Variants in GKAP1 observed in about 807,000 individuals in gnomAD.
GKAP1 encodes the protein G kinase anchoring protein 1.
GKAP1 carries 31 observed loss-of-function variants against 56.7 expected under a neutral mutation model. The observed-to-expected ratio is 0.55, with a 90% CI of 0.41 to 0.74. The LOEUF (loss-of-function observed/expected upper bound fraction) is 0.74, where lower values mean the gene tolerates loss of function less well. GKAP1 is among the 30% of genes least tolerant of loss of function. GKAP1 has a pLI of 0.00. For synonymous variants in GKAP1, 151 were observed against 138.6 expected (o/e 1.09, Z -0.63); for missense variants, 364 against 402.3 (o/e 0.90, Z 0.82).
At chr9:83,765,583 C>CA (rs912845117) in intron 8 of GKAP1, among the ~76,000 whole-genome samples, 39 of 152,360 alleles carry the variant, frequency 2.6e-4, no homozygotes, top group African/African-American at 9.1e-4. Flanking sequence ...CTGTACCCTG[C>CA]AAAGCCACAG....
intron 7 of GKAP1, among the ~76,000 whole-genome samples, chr9:83,770,269 A>G (rs929444682): frequency 1.3e-5 from 2 of 152,196 alleles, no homozygotes; most frequent in Non-Finnish European, 1.5e-5. Flanking sequence ...TTTTCTTCTA[A>G]AAGTTTTACA....
At chr9:83,750,570 A>T (rs1342287804) in intron 9 of GKAP1, among the ~76,000 whole-genome samples, 2 of 152,168 alleles carry the variant, frequency 1.3e-5, no homozygotes, top group African/African-American at 2.4e-5. Context: ...GTCATTTTAC[A>T]TTCCCACCAG....
In GKAP1 at chr9:83,812,230, T is replaced by C. The variant is rs150882772; in HGVS notation, c.-44+4766A>G. On this transcript the variant is annotated intron_variant, in intron 2 of 12. Coordinates refer to ENST00000376371, the MANE Select transcript of GKAP1 (RefSeq NM_025211.4). ...ACACATACATACATACACACACACA[T>C]GTATACATATATACGTATATATGTA... 7.8e-3 allele frequency among the ~76,000 whole-genome samples: 1,142 copies of C among 146,696 alleles called. 17 individuals carry two copies. Among genetic ancestry groups the C allele is most frequent in the African/African-American group, 0.027 (1,071 of 39,324 alleles).
intron 8 of GKAP1, among the ~76,000 whole-genome samples, chr9:83,763,193 A>G (rs769790513): frequency 1.3e-4 from 20 of 152,218 alleles, no homozygotes; most frequent in Non-Finnish European, 2.5e-4. Flanking sequence ...AGAAAGGCAA[A>G]CATCACATGT....
At chr9:83,743,032 G>A (rs944362744) in intron 10 of GKAP1, among the ~76,000 whole-genome samples, 9 of 151,884 alleles carry the variant, frequency 5.9e-5, no homozygotes, top group South Asian at 2.1e-4. Context: ...GTGTGGTGGC[G>A]CATGCCTGTA....
At chr9:83,790,163 C>T (rs1489410729) in intron 4 of GKAP1, among the ~76,000 whole-genome samples, 1 of 151,954 alleles carries the variant, frequency 6.6e-6, no homozygotes, top group Non-Finnish European at 1.5e-5. Flanking sequence ...TAAGCTTACA[C>T]AGAAAAACAA....
rs117080057 is a variant in GKAP1, at chr9:83,802,030, C to T, written c.217-2702G>A. Among the ~76,000 whole-genome samples the T allele has an allele frequency of 3.7e-3, 561 of 152,138 alleles. 1 individual carries two copies. Among genetic ancestry groups the T allele is most frequent in the Middle Eastern group, 0.014 (4 of 294 alleles). On this transcript the variant is annotated intron_variant, in intron 3 of 12. Coordinates refer to ENST00000376371, the MANE Select transcript of GKAP1 (RefSeq NM_025211.4). ...TCATTAAATAATAAAAAGAAAGGTC[C>T]TTATATACCCAACGGCTCCTTCTAT... is the stretch of plus-strand genomic sequence containing the variant.
chr9:83,784,476 C>A (rs1462642279), intron 6 of GKAP1, among the ~76,000 whole-genome samples: 1 of 152,134 alleles, frequency 6.6e-6, no homozygotes, highest in South Asian at 2.1e-4. Flanking sequence ...TGATATTGGA[C>A]TTCCCAGCTT....
Position 83,795,644 on chromosome 9 carries a change from T to C in GKAP1, c.360+3541A>G, listed in dbSNP as rs560506125. ...TCTCGCTCTGTCACCCAGGCTGAAGTGCACTGGCATGATCACGGCTCACTG... is the reference window on the plus strand; with the variant it reads ...TCTCGCTCTGTCACCCAGGCTGAAGCGCACTGGCATGATCACGGCTCACTG... On this transcript the variant is annotated intron_variant, in intron 4 of 12. Transcript: ENST00000376371. Among the ~76,000 whole-genome samples, 6 of 139,316 alleles carry C rather than the reference T, an allele frequency of 4.3e-5. No homozygotes were observed. In the South Asian group the frequency reaches 1.4e-3, roughly 32 times the overall value. The allele number at this position is 139,316 out of a possible 152,430, so 91.4% of individuals were successfully genotyped here.
chr9:83,816,691 G>A (rs144863913), intron 2 of GKAP1, among the ~76,000 whole-genome samples: 1 of 152,332 alleles, frequency 6.6e-6, no homozygotes, highest in East Asian at 1.9e-4. Context: ...GAAGAAAAGT[G>A]TCTCCGGCTT....
At position 83,739,609 on chromosome 9, in the gene GKAP1, G is replaced by T; in HGVS notation, c.*88C>A. ...TAGTTCCTTCAAGAAAAACTGCATAGTTTAGCAGTTGCACAGCATTAAATA... is the reference window on the plus strand; with the variant it reads ...TAGTTCCTTCAAGAAAAACTGCATATTTTAGCAGTTGCACAGCATTAAATA... On this transcript the variant is annotated 3_prime_UTR_variant, in exon 13 of 13. Coordinates refer to ENST00000376371, the MANE Select transcript of GKAP1 (RefSeq NM_025211.4). 1.0e-6 allele frequency: 1 copy of T among 975,908 alleles called. No homozygotes were observed. Among genetic ancestry groups the T allele is most frequent in the Non-Finnish European group, 1.5e-6 (1 of 650,394 alleles). 60.5% of individuals were successfully genotyped at this position (975,908 alleles called of 1,614,324 possible).
intron 4 of GKAP1, among the ~76,000 whole-genome samples, chr9:83,789,603 A>C (rs1244231642): frequency 5.3e-5 from 8 of 152,102 alleles, no homozygotes. Flanking sequence ...CTTCATTCCA[A>C]AGTCCCATGG....
chr9:83,764,688 G>T (rs544618505), intron 8 of GKAP1, among the ~76,000 whole-genome samples: 8 of 152,164 alleles, frequency 5.3e-5, no homozygotes, highest in African/African-American at 1.9e-4. Context: ...CCAGGCTGAG[G>T]TGGTCTCAGA....
At chr9:83,784,265 TAAAAAAAGAAAA>T (rs1175948992) in intron 6 of GKAP1, among the ~76,000 whole-genome samples, 5 of 149,630 alleles carry the variant, frequency 3.3e-5, no homozygotes, top group Non-Finnish European at 3.0e-5. Flanking sequence ...AGACTCCATC[TAAAAAAAGAAAA>T]AAAAAAAGAA....
chr9:83,793,738 G>A (rs193254886), intron 4 of GKAP1, among the ~76,000 whole-genome samples: 19 of 152,312 alleles, frequency 1.2e-4, no homozygotes, highest in African/African-American at 3.8e-4. Flanking sequence ...GAATATAAAC[G>A]TGTATGTGTT....
In GKAP1 at chr9:83,768,857, A is replaced by G. The variant is rs1387784891; in HGVS notation, c.699T>C (p.Tyr233=). 6.2e-7 allele frequency: 1 copy of G among 1,612,582 alleles called. No individual in the cohort carries two copies. Among genetic ancestry groups the G allele is most frequent in the African/African-American group, 1.3e-5 (1 of 74,884 alleles). ...GAGCTGTACAATTATCTGTTCCATTATATTCTGTAAGCTGTTCTCTTCGTT... is the reference window on the plus strand; with the variant it reads ...GAGCTGTACAATTATCTGTTCCATTGTATTCTGTAAGCTGTTCTCTTCGTT... The part of the protein sequence containing the change: ...REKRREQLTE[Y]NGTDNCTAHE... The change falls in exon 8 of 13, where the codon TAT becomes TAC. Residue 233 remains tyrosine (Y), a synonymous_variant. Coordinates refer to ENST00000376371, the MANE Select transcript of GKAP1 (RefSeq NM_025211.4).
intron 8 of GKAP1, among the ~76,000 whole-genome samples, chr9:83,767,335 T>G (rs142610970): frequency 6.6e-6 from 1 of 152,228 alleles, no homozygotes; most frequent in Non-Finnish European, 1.5e-5. Flanking sequence ...TCTTAGACTT[T>G]ATGGGTTTTA....
intron 2 of GKAP1, among the ~76,000 whole-genome samples, chr9:83,810,616 G>A (rs1481083848): frequency 6.6e-6 from 1 of 152,166 alleles, no homozygotes; most frequent in Non-Finnish European, 1.5e-5. Flanking sequence ...CAAATGGCAG[G>A]GAGCACCAGC....
rs539919453 is a variant in GKAP1 at position 83,757,902 on chromosome 9, A to C, written c.739-4543T>G. Among the ~76,000 whole-genome samples, 456 of 152,310 alleles carry C rather than the reference A, an allele frequency of 3.0e-3. 4 individuals carry two copies. The highest frequency in any genetic ancestry group is 9.6e-3 in the African/African-American group (401 of 41,570). On this transcript the variant is annotated intron_variant, in intron 8 of 12. Transcript: ENST00000376371. ...GATAAAATGAGGAAACCAAAAACTG[A>C]AATGACAGAAGTCAAGCCAAATGCT...
Sources: allele counts gnomAD v4.1 joint callset (sites outside exome capture counted in the v4.1 genomes callset), GRCh38; gene constraint gnomAD v4.1.1; transcripts MANE v1.5; gene names NCBI Gene and HGNC (gene_info 2026-07-23, HGNC 2026-07-21).